The following PCLO variants were observed in gnomAD, a reference collection of about 807,000 sequenced individuals.
PCLO encodes the protein piccolo presynaptic cytomatrix protein, also known as protein piccolo.
In PCLO, 82 loss-of-function variants were observed where a neutral mutation model predicts 427.5. That is an observed-to-expected ratio of 0.19 (90% CI 0.16 to 0.23). The LOEUF is 0.23. PCLO is among the 10% of genes least tolerant of loss of function. PCLO has a pLI of 1.00. For synonymous variants in PCLO, 2,357 were observed against 2,155.4 expected, an observed-to-expected ratio of 1.09 and a Z score of -2.59; for missense variants, 6,239 against 6,115.9, an observed-to-expected ratio of 1.02 and a Z score of -0.67.
At chr7:83,033,152 A>G (rs905691420) in intron 3 of PCLO, among the ~76,000 whole-genome samples, 34 of 152,112 alleles carry the variant, frequency 2.2e-4, no homozygotes, top group Non-Finnish European at 5.9e-5. Context: ...GCCATGAGGA[A>G]CTGTGAGTCA....
At chr7:83,056,884 A>G (rs921015913) in intron 3 of PCLO, among the ~76,000 whole-genome samples, 2 of 152,004 alleles carry the variant, frequency 1.3e-5, no homozygotes, top group African/African-American at 4.8e-5. Context: ...TTAAATAATA[A>G]AACTTCTCTT....
intron 3 of PCLO, among the ~76,000 whole-genome samples, chr7:83,009,371 G>A (rs1031290400): frequency 6.6e-6 from 1 of 151,836 alleles, no homozygotes; most frequent in Non-Finnish European, 1.5e-5. Context: ...CCTGAAGTCA[G>A]TGTGTTTTCT....
chr7:83,114,171 T>C (rs1791074523), intron 3 of PCLO, among the ~76,000 whole-genome samples: 1 of 152,210 alleles, frequency 6.6e-6, no homozygotes, highest in South Asian at 2.1e-4. Context: ...TGAATAAACA[T>C]GTATTGATTA....
At chr7:82,896,096 A>C (rs1035792185) in intron 9 of PCLO, among the ~76,000 whole-genome samples, 11 of 151,912 alleles carry the variant, frequency 7.2e-5, no homozygotes, top group Non-Finnish European at 1.5e-5. Context: ...ATGCAAAATG[A>C]CAAACTCACC....
chr7:82,895,490 A>T (rs536478496), intron 9 of PCLO, among the ~76,000 whole-genome samples: 14 of 152,024 alleles, frequency 9.2e-5, no homozygotes, highest in African/African-American at 3.4e-4. Flanking sequence ...AAATCAATAA[A>T]ATAGAAAACA....
intron 1 of PCLO, among the ~76,000 whole-genome samples, chr7:83,157,130 G>A (rs1792322446): frequency 6.6e-6 from 1 of 152,172 alleles, no homozygotes; most frequent in African/African-American, 2.4e-5. Context: ...CAGTCCCAGA[G>A]AGTGACTGGG....
At chr7:82,985,106 C>G (rs1018425729) in intron 3 of PCLO, among the ~76,000 whole-genome samples, 1 of 151,902 alleles carries the variant, frequency 6.6e-6, no homozygotes, top group African/African-American at 2.4e-5. Context: ...AATAGATCCT[C>G]AGAGAGAGCA....
chr7:83,128,437 C>T (rs1791493719), intron 3 of PCLO, among the ~76,000 whole-genome samples: 1 of 152,126 alleles, frequency 6.6e-6, no homozygotes, highest in South Asian at 2.1e-4. Context: ...TGAGTTAGCA[C>T]AGCGTTCATC....
chr7:82,995,808 T>C (rs888759542), intron 3 of PCLO, among the ~76,000 whole-genome samples: 3 of 152,098 alleles, frequency 2.0e-5, no homozygotes, highest in East Asian at 3.9e-4. Flanking sequence ...TATTGACATA[T>C]ATAAAGTACT....
chr7:82,896,446 A>C (rs1436270348), intron 9 of PCLO, among the ~76,000 whole-genome samples: 1 of 151,704 alleles, frequency 6.6e-6, no homozygotes, highest in Non-Finnish European at 1.5e-5. Context: ...GGAAAAGGCA[A>C]ACTTACAGAG....
At chr7:82,829,167 G>T (rs115945318) in intron 16 of PCLO, among the ~76,000 whole-genome samples, 2 of 152,104 alleles carry the variant, frequency 1.3e-5, no homozygotes, top group Admixed American at 6.6e-5. Context: ...AGATGGGCCT[G>T]CAGGCAAGTA....
chr7:82,903,969 T>TTTTATTTAAAA (rs1478513194), intron 8 of PCLO, among the ~76,000 whole-genome samples: 1 of 151,944 alleles, frequency 6.6e-6, no homozygotes, highest in Non-Finnish European at 1.5e-5. Flanking sequence ...AATTACAGCC[T>TTTTATTTAAAA]TTAGCTTTTA....
intron 3 of PCLO, among the ~76,000 whole-genome samples, chr7:83,074,052 C>A: frequency 6.6e-6 from 1 of 151,844 alleles, no homozygotes; most frequent in Non-Finnish European, 1.5e-5. Context: ...TGGAAAAGAA[C>A]CTTATCTTTC....
intron 22 of PCLO, among the ~76,000 whole-genome samples, chr7:82,768,799 T>C (rs915342483): frequency 1.3e-5 from 2 of 152,150 alleles, no homozygotes; most frequent in African/African-American, 4.8e-5. Context: ...AAAAATTTTA[T>C]ATATATTTTA....
chr7:83,108,909 C>T (rs73180519), intron 3 of PCLO, among the ~76,000 whole-genome samples: 6,234 of 152,078 alleles, frequency 0.041, 159 homozygotes, highest in South Asian at 0.072. Flanking sequence ...TGAAGTAGCT[C>T]TAAAATAACT....
chr7:82,934,474 TTAGTC>T (rs1794906675), intron 6 of PCLO, among the ~76,000 whole-genome samples: 1 of 151,872 alleles, frequency 6.6e-6, no homozygotes, highest in South Asian at 2.1e-4. Flanking sequence ...ATATATATCT[TTAGTC>T]TAACGATGTT....
intron 3 of PCLO, among the ~76,000 whole-genome samples, chr7:83,122,713 A>G (rs1478597370): frequency 6.6e-6 from 1 of 152,202 alleles, no homozygotes; most frequent in African/African-American, 2.4e-5. Flanking sequence ...CCATGTCTTT[A>G]AATAATATAA....
intron 3 of PCLO, chr7:83,017,994 T>A (rs1788250898): frequency 6.6e-6 from 1 of 152,064 alleles, no homozygotes; most frequent in African/African-American, 2.4e-5. Context: ...TACCTAGGAC[T>A]GCTGGGTGCT....
At chr7:82,772,887 T>A (rs1038458165) in intron 22 of PCLO, among the ~76,000 whole-genome samples, 1 of 152,174 alleles carries the variant, frequency 6.6e-6, no homozygotes, top group Non-Finnish European at 1.5e-5. Flanking sequence ...TGTTTCACTA[T>A]TACAGAGGAA....
Sources: gnomAD v4.1 joint callset for allele counts (sites outside exome capture counted in the v4.1 genomes callset) on GRCh38, gnomAD v4.1.1 for gene constraint, MANE v1.5 for transcripts, NCBI Gene and HGNC (gene_info 2026-07-23, HGNC 2026-07-21) for gene names.